ITPR1: variants seen among roughly 807,000 people sequenced by gnomAD.
ITPR1 encodes inositol 1,4,5-trisphosphate receptor type 1, also known as inositol 1,4,5-trisphosphate-gated calcium channel ITPR1.
Under a neutral mutation model 318.4 loss-of-function variants are expected in ITPR1, and 96 were observed. The ratio of observed to expected loss-of-function variants is 0.30; its 90% CI spans 0.26 to 0.36. The LOEUF is 0.36. Among genes scored for constraint, ITPR1 ranks in the 10% least tolerant of loss-of-function variants. The pLI is 1.00. For missense variants in ITPR1, 2,440 were observed against 3,460.2 expected (o/e 0.71, Z 7.40); for synonymous variants, 1,312 against 1,289.9 (o/e 1.02, Z -0.37).
intron 21 of ITPR1, 43 bp downstream of exon 21, chr3:4,673,430 C>T (rs528380006): frequency 5.9e-5 from 91 of 1,548,810 alleles, no homozygotes; most frequent in South Asian, 2.2e-4. Context: ...TTATTCTGTG[C>T]GGCAGTAGAT....
At chr3:4,595,587 T>C (rs962355214) in intron 4 of ITPR1, among the ~76,000 whole-genome samples, 1 of 152,172 alleles carries the variant, frequency 6.6e-6, no homozygotes, top group African/African-American at 2.4e-5. Context: ...GTATATATTA[T>C]AGTTAATTTT....
intron 4 of ITPR1, among the ~76,000 whole-genome samples, chr3:4,582,254 G>T (rs190146349): frequency 2.0e-5 from 3 of 152,024 alleles, no homozygotes; most frequent in Admixed American, 1.3e-4. Flanking sequence ...ATGCGCTTTG[G>T]GTTCTAGACT....
chr3:4,704,931 A>G (rs1284570699), intron 36 of ITPR1, among the ~76,000 whole-genome samples: 2 of 151,964 alleles, frequency 1.3e-5, no homozygotes, highest in African/African-American at 2.4e-5. Flanking sequence ...CTGCTTTTCA[A>G]TTGTTAATTA....
intron 10 of ITPR1, among the ~76,000 whole-genome samples, chr3:4,647,527 C>T (rs768654856): frequency 6.6e-6 from 1 of 152,166 alleles, no homozygotes; most frequent in Non-Finnish European, 1.5e-5. Context: ...AAACTGTTCT[C>T]CAAAGTGATT....
chr3:4,616,063 G>A (rs2092376632), intron 4 of ITPR1, among the ~76,000 whole-genome samples: 1 of 152,216 alleles, frequency 6.6e-6, no homozygotes, highest in African/African-American at 2.4e-5. Flanking sequence ...TACCGTCATG[G>A]CTGGAGAAAT....
At chr3:4,798,281 A>G (rs1444536973) in intron 53 of ITPR1, among the ~76,000 whole-genome samples, 1 of 152,244 alleles carries the variant, frequency 6.6e-6, no homozygotes, top group Admixed American at 6.5e-5. Context: ...CAATTAAAAC[A>G]GTGGGCAAAG....
intron 54 of ITPR1, among the ~76,000 whole-genome samples, chr3:4,804,273 TGGA>T (rs1273710838): frequency 3.9e-5 from 6 of 152,102 alleles, no homozygotes; most frequent in Non-Finnish European, 8.8e-5. Context: ...TTCTGAGAGC[TGGA>T]GGAGGAGAAG....
At chr3:4,609,706 A>G (rs934218067) in intron 4 of ITPR1, among the ~76,000 whole-genome samples, 8 of 151,880 alleles carry the variant, frequency 5.3e-5, no homozygotes, top group Admixed American at 1.3e-4. Flanking sequence ...TGGCCACCTC[A>G]CATGTGGTCG....
At chr3:4,814,611 G>GGGT in intron 58 of ITPR1, 49 bp downstream of exon 58, 76 of 707,908 alleles carry the variant, frequency 1.1e-4, no homozygotes, top group Non-Finnish European at 1.7e-4. Context: ...GGGTGGGGTG[G>GGGT]TTGGTGGGAG....
At chr3:4,639,930 A>G (rs2093298833) in intron 6 of ITPR1, among the ~76,000 whole-genome samples, 1 of 152,206 alleles carries the variant, frequency 6.6e-6, no homozygotes, top group Admixed American at 6.5e-5. Context: ...GATACATTTT[A>G]TACTTATCAA....
chr3:4,685,250 G>T (rs183386810), intron 30 of ITPR1, 44 bp downstream of exon 30: 10 of 1,537,024 alleles, frequency 6.5e-6, no homozygotes, highest in African/African-American at 2.7e-5. Context: ...AGGATGGGGC[G>T]GATCCCTGGG....
At position 4,708,637 on chromosome 3, in the gene ITPR1, G is replaced by C. The variant is rs142120140; in HGVS notation, c.4843-1688G>C. On this transcript the variant is annotated intron_variant, in intron 37 of 61. Transcript: ENST00000649015. ...CAAACTATCTGCAATCAAACATGCT[G>C]GTTTCTTGTGCTCTTCTTAGATTTA... 1.4e-4 allele frequency among the ~76,000 whole-genome samples: 22 copies of C among 152,290 alleles called. No homozygotes were observed. In the East Asian group the frequency reaches 3.9e-3, roughly 27 times the overall value.
intron 60 of ITPR1, among the ~76,000 whole-genome samples, chr3:4,822,057 G>A (rs1348092000): frequency 5.9e-5 from 9 of 152,166 alleles, no homozygotes; most frequent in Non-Finnish European, 1.0e-4. Flanking sequence ...GAGAGTTTCC[G>A]CTCTGTGCCT....
chr3:4,582,480 G>C (rs1445722646), intron 4 of ITPR1, among the ~76,000 whole-genome samples: 1 of 152,144 alleles, frequency 6.6e-6, no homozygotes, highest in African/African-American at 2.4e-5. Flanking sequence ...CTGTTCTCCG[G>C]TGTGGGTGTG....
intron 60 of ITPR1, among the ~76,000 whole-genome samples, chr3:4,827,853 C>T (rs904458618): frequency 6.6e-6 from 1 of 152,160 alleles, no homozygotes; most frequent in African/African-American, 2.4e-5. Flanking sequence ...ATCTCTTTCC[C>T]CCTAAAGAGA....
intron 60 of ITPR1, among the ~76,000 whole-genome samples, chr3:4,834,654 TG>T (rs765303511): frequency 6.6e-6 from 1 of 152,026 alleles, no homozygotes; most frequent in East Asian, 1.9e-4. Flanking sequence ...ACTTCCTTGG[TG>T]GGAAGATGTG....
chr3:4,678,461 T>A (rs1384780813), intron 24 of ITPR1, among the ~76,000 whole-genome samples: 1 of 152,144 alleles, frequency 6.6e-6, no homozygotes, highest in East Asian at 1.9e-4. Context: ...CTAAGAAGGA[T>A]TGGTCGATTG....
At chr3:4,807,983 A>G (rs796432708) in intron 55 of ITPR1, among the ~76,000 whole-genome samples, 6 of 152,296 alleles carry the variant, frequency 3.9e-5, no homozygotes, top group African/African-American at 1.2e-4. Flanking sequence ...GCCCCAGTAG[A>G]CACTTCGACC....
intron 44 of ITPR1, among the ~76,000 whole-genome samples, chr3:4,757,607 G>A (rs1392684999): frequency 6.6e-6 from 1 of 152,192 alleles, no homozygotes; most frequent in Non-Finnish European, 1.5e-5. Context: ...TTGGGTGCCA[G>A]GGCACTTATT....
Sources: gnomAD v4.1 joint callset for allele counts (sites outside exome capture counted in the v4.1 genomes callset) on GRCh38, gnomAD v4.1.1 for gene constraint, MANE v1.5 for transcripts, NCBI Gene and HGNC (gene_info 2026-07-23, HGNC 2026-07-21) for gene names.